Variants in RGL4 observed in about 807,000 individuals in gnomAD.
RGL4 encodes the protein ral-GDS-related protein.
In RGL4, 41 loss-of-function variants were observed where a neutral mutation model predicts 49.6. The ratio of observed to expected loss-of-function variants is 0.83; its 90% CI spans 0.64 to 1.07. The LOEUF is 1.07. Ranked by LOEUF, RGL4 falls within the 50% of genes least tolerant of loss-of-function variation. RGL4 has a pLI of 0.00. For missense variants in RGL4, 610 were observed against 591.9 expected (o/e 1.03, Z -0.32); for synonymous variants, 255 against 238.0 (o/e 1.07, Z -0.66).
intron 3 of RGL4, chr22:23,693,241 C>A: frequency 1.5e-6 from 1 of 658,618 alleles, no homozygotes. Context: ...GAAAGCAGGG[C>A]AGGGCAGGTG....
Position 23,692,724 on chromosome 22 carries a change from A to AC in RGL4, c.431dup (p.Pro145ThrfsTer66). Reference sequence around the variant, plus strand: ...TAACAATGCCGGCCCTGGAGCCAGCACCACCACTGCTGGCGGACCTGGGGC... The same window carrying AC: ...TAACAATGCCGGCCCTGGAGCCAGCACCCACCACTGCTGGCGGACCTGGGGC... On this transcript the variant is annotated frameshift_variant, in exon 3 of 11. Coordinates refer to ENST00000290691, the MANE Select transcript of RGL4 (RefSeq NM_153615.2). LOFTEE classifies it high-confidence loss of function. The AC allele has an allele frequency of 6.2e-7, 1 of 1,613,040 alleles. No homozygotes were observed.
intron 4 of RGL4, 66 bp from the exon 5 acceptor site, chr22:23,694,281 G>T: frequency 8.1e-7 from 1 of 1,235,162 alleles, no homozygotes; most frequent in South Asian, 1.2e-5. Flanking sequence ...TCTCAGCAGA[G>T]GGGGCTGAGG....
At chr22:23,694,886 G>A in intron 5 of RGL4, 64 bp from the exon 6 acceptor site, 5 of 1,276,052 alleles carry the variant, frequency 3.9e-6, no homozygotes, top group Non-Finnish European at 5.7e-6. Flanking sequence ...AAACAAAAGG[G>A]ACTGGAACTC....
intron 7 of RGL4, among the ~76,000 whole-genome samples, 193 bp from the exon 8 acceptor site, chr22:23,696,978 G>C (rs1273413785): frequency 6.6e-6 from 1 of 152,198 alleles, no homozygotes; most frequent in Non-Finnish European, 1.5e-5. Flanking sequence ...TTGGAGGTCA[G>C]CTGGGATACA....
chr22:23,692,526 A>G lies in RGL4; in HGVS notation c.371A>G (p.Asp124Gly), dbSNP rs772358022. 2 of 1,612,752 alleles carry G rather than the reference A, an allele frequency of 1.2e-6. No homozygotes were observed. The highest frequency in any genetic ancestry group is 2.7e-5 in the African/African-American group (2 of 74,878). The change falls in exon 2 of 11, where the codon GAT becomes GGT. Residue 124 changes from aspartate (D) to glycine (G), a missense_variant and splice_region_variant. By Grantham distance (94) the Asp-to-Gly change is moderately conservative. Transcript: ENST00000290691. ...CCGGAGCCCAACGAGGCCAAGCCAG[A>G]TGGTGAGGGGGCTTGCAGTCTGCAA... Reference protein sequence around the residue: ...VLPEPNEAKPDDPAPRPGQHA... With the variant: ...VLPEPNEAKPGDPAPRPGQHA...
intron 6 of RGL4, 69 bp from the exon 7 acceptor site, chr22:23,696,545 C>G: frequency 6.2e-7 from 1 of 1,608,888 alleles, no homozygotes; most frequent in Non-Finnish European, 8.5e-7. Flanking sequence ...GATCCAAGTG[C>G]GGGGTGGCTG....
In RGL4 at chr22:23,692,281, G is replaced by A; in HGVS notation, c.180-54G>A. The A allele has an allele frequency of 1.6e-5, 26 of 1,608,484 alleles. No homozygotes were observed. The South Asian group carries it at 2.9e-4, about 18-fold the overall frequency. The stretch of plus-strand genomic sequence containing the variant: ...CAGAACCACGCAGGGGTGCCCTGGA[G>A]GGTTGTGTGGGAGAAGGCCAGGCCT... On this transcript the variant is annotated intron_variant, in intron 1 of 10. Transcript: ENST00000290691.
intron 6 of RGL4, among the ~76,000 whole-genome samples, chr22:23,695,896 C>T (rs1026806117): frequency 6.6e-6 from 1 of 152,146 alleles, no homozygotes; most frequent in Non-Finnish European, 1.5e-5. Context: ...GTTCCGTGCA[C>T]GGAACTCCCC....
rs1923408408 is a variant in RGL4, at chr22:23,695,219, G to C, written c.1086+200G>C. The C allele has an allele frequency of 9.6e-6, 5 of 522,314 alleles. 1 individual carries two copies. Among genetic ancestry groups the C allele is most frequent in the South Asian group, 9.5e-5 (5 of 52,508 alleles). The allele number at this position is 522,314 out of a possible 1,614,324, so 32.4% of individuals were successfully genotyped here. ...GTGTGTCGGTCCATGGGCACGTGGG[G>C]GCATGGGGGCAGGAGGCCCTGGAAA... On this transcript the variant is annotated intron_variant, in intron 6 of 10. Coordinates refer to ENST00000290691, the MANE Select transcript of RGL4 (RefSeq NM_153615.2).
At chr22:23,693,493 T>TA (rs776343308) in intron 3 of RGL4, among the ~76,000 whole-genome samples, 8 of 152,266 alleles carry the variant, frequency 5.3e-5, no homozygotes, top group East Asian at 3.9e-4. Flanking sequence ...TTCTAGTTCT[T>TA]AGAGTGTGGA....
chr22:23,698,252 C>T lies in RGL4; in HGVS notation c.1301C>T (p.Ala434Val). ...CAGGAAATGCAGCTGCTCCAAGTGG[C>T]TGCCATGAATTACAGGCTTCGGCCT... ...VLQEMQLLQVAAMNYRLRPLE... is the reference protein window; with the variant it reads ...VLQEMQLLQVVAMNYRLRPLE... Residue 434 changes from alanine to valine, a missense_variant, in exon 10 of 11, where the codon GCT becomes GTT. By Grantham distance (64) the Ala-to-Val change is moderately conservative. Coordinates refer to ENST00000290691, the MANE Select transcript of RGL4 (RefSeq NM_153615.2). The T allele has an allele frequency of 6.2e-7, 1 of 1,611,536 alleles. No individual in the cohort carries two copies. The highest frequency in any genetic ancestry group is 8.5e-7 in the Non-Finnish European group (1 of 1,177,872).
In RGL4 at chr22:23,691,692, T is replaced by G; in HGVS notation, c.-339T>G. On this transcript the variant is annotated 5_prime_UTR_variant, in exon 1 of 11. Coordinates refer to ENST00000290691, the MANE Select transcript of RGL4 (RefSeq NM_153615.2). ...CAGCAACAAATATAAACTGGGTGGATTTAGGGTTCTGAAGGGCCTTTTCAC... is the reference window on the plus strand; with the variant it reads ...CAGCAACAAATATAAACTGGGTGGAGTTAGGGTTCTGAAGGGCCTTTTCAC... 2 of 246,202 alleles carry G rather than the reference T, an allele frequency of 8.1e-6. No homozygotes were observed. The highest frequency in any genetic ancestry group is 8.0e-6 in the Non-Finnish European group (1 of 124,234). 15.3% of individuals were successfully genotyped at this position (246,202 alleles called of 1,614,324 possible). A position where few individuals can be genotyped will look rare whatever the true frequency, so the allele number is the denominator to read the frequency against.
At chr22:23,692,265 G>C in intron 1 of RGL4, 56 bp downstream of exon 1, 2 of 1,607,910 alleles carry the variant, frequency 1.2e-6, no homozygotes, top group Admixed American at 1.7e-5. Flanking sequence ...CCAGAACCAC[G>C]CAGGGGTGCC....
chr22:23,692,297 G>C (rs768142227), intron 1 of RGL4, 38 bp from the exon 2 acceptor site: 1 of 1,610,456 alleles, frequency 6.2e-7, no homozygotes, highest in Middle Eastern at 1.7e-4. Flanking sequence ...TGTGGGAGAA[G>C]GCCAGGCCTC....
Position 23,691,288 on chromosome 22 carries a change from G to C in RGL4, c.-743G>C, listed in dbSNP as rs1923122308. On this transcript the variant is annotated 5_prime_UTR_variant, in exon 1 of 11. Coordinates refer to ENST00000290691, the MANE Select transcript of RGL4 (RefSeq NM_153615.2). ...TAGAAACCAAGTCTGCGATGGCACT[G>C]GTAAAGGATGTCTGAGATTCCTTCT... 6.6e-6 allele frequency: 1 copy of C among 152,174 alleles called. No individual in the cohort carries two copies. 9.4% of individuals were successfully genotyped at this position (152,174 alleles called of 1,614,324 possible).
chr22:23,696,532 G>T, intron 6 of RGL4, 82 bp from the exon 7 acceptor site: 1 of 1,604,684 alleles, frequency 6.2e-7, no homozygotes, highest in Non-Finnish European at 8.5e-7. Flanking sequence ...GCCACTCCCT[G>T]GGGATCCAAG....
rs369204408 is a variant in RGL4, at chr22:23,697,179, C to T, written c.1170C>T (p.Val390=). The change falls in exon 8 of 11, where the codon GTC becomes GTT. Residue 390 remains valine (V), a synonymous_variant. Transcript: ENST00000290691. ...ACCCCTCCTTGGCACAGGGTGTGGT[C>T]CCCTTCCTGGGGGATTTTCTGACTG... ...MRLRRQKKGV[V]PFLGDFLTEL... 4.3e-5 allele frequency: 69 copies of T among 1,612,390 alleles called. 1 individual carries two copies. In the African/African-American group the frequency reaches 8.9e-4, roughly 21 times the overall value.
intron 6 of RGL4, 177 bp from the exon 7 acceptor site, chr22:23,696,437 G>C: frequency 6.5e-6 from 10 of 1,537,748 alleles, no homozygotes; most frequent in Non-Finnish European, 8.8e-6. Context: ...AACAGTCTCA[G>C]GGAGGCCCGG....
chr22:23,693,767 CAAG>C lies in RGL4; in HGVS notation c.709_711del (p.Lys237del). 1.9e-6 allele frequency: 3 copies of C among 1,613,918 alleles called. No homozygotes were observed. The highest frequency in any genetic ancestry group is 2.2e-5 in the East Asian group (1 of 44,864). On this transcript the variant is annotated inframe_deletion, in exon 4 of 11. Transcript: ENST00000290691. Reference sequence around the variant, plus strand: ...CTCCTCCTCCCCCAAAGGAGCTGTTCAAGAAGGTGGTGCTCCACGAATGCTTGG... The same window carrying C: ...CTCCTCCTCCCCCAAAGGAGCTGTTCAAGGTGGTGCTCCACGAATGCTTGG...
Sources: allele counts gnomAD v4.1 joint callset (sites outside exome capture counted in the v4.1 genomes callset), GRCh38; gene constraint gnomAD v4.1.1; transcripts MANE v1.5; gene names NCBI Gene and HGNC (gene_info 2026-07-23, HGNC 2026-07-21).